The following CNTNAP2 variants were observed in gnomAD, a reference collection of about 807,000 sequenced individuals.
The protein encoded by CNTNAP2 is contactin-associated protein-like 2.
CNTNAP2 carries 98 observed loss-of-function variants against 155.2 expected under a neutral mutation model. The observed-to-expected ratio is 0.63, with a 90% CI of 0.54 to 0.75. The LOEUF (loss-of-function observed/expected upper bound fraction) is 0.75, where lower values mean the gene tolerates loss of function less well. CNTNAP2 is among the 30% of genes least tolerant of loss of function. CNTNAP2 has a pLI of 0.00. For synonymous variants in CNTNAP2, 651 were observed against 631.2 expected (o/e 1.03, Z -0.47); for missense variants, 1,727 against 1,688.1 (o/e 1.02, Z -0.40).
chr7:148,114,397 A>G (rs1052144273), intron 15 of CNTNAP2, among the ~76,000 whole-genome samples: 1 of 152,210 alleles, frequency 6.6e-6, no homozygotes, highest in Non-Finnish European at 1.5e-5. Context: ...GAGAGGGGCA[A>G]TGAGTTACTT....
chr7:147,285,543 C>A (rs535551014), intron 8 of CNTNAP2, among the ~76,000 whole-genome samples: 1 of 151,798 alleles, frequency 6.6e-6, no homozygotes, highest in African/African-American at 2.4e-5. Flanking sequence ...AAGAATTAAC[C>A]TTGTCTAAAT....
At chr7:146,219,657 A>T (rs1165613015) in intron 1 of CNTNAP2, among the ~76,000 whole-genome samples, 1 of 152,236 alleles carries the variant, frequency 6.6e-6, no homozygotes, top group Non-Finnish European at 1.5e-5. Context: ...AGTCTCAGGT[A>T]AATGAGATGG....
At chr7:146,829,479 G>A (rs929175843) in intron 2 of CNTNAP2, among the ~76,000 whole-genome samples, 1 of 152,076 alleles carries the variant, frequency 6.6e-6, no homozygotes, top group African/African-American at 2.4e-5. Flanking sequence ...TTATTATTTG[G>A]TTAAATTCCA....
chr7:147,359,749 A>G (rs1476647304), intron 9 of CNTNAP2, among the ~76,000 whole-genome samples: 3 of 152,028 alleles, frequency 2.0e-5, no homozygotes, highest in East Asian at 1.9e-4. Context: ...TCTTCAAAAT[A>G]TTGCCCAAAT....
intron 1 of CNTNAP2, among the ~76,000 whole-genome samples, chr7:146,437,761 T>C (rs560756517): frequency 1.3e-5 from 2 of 151,652 alleles, no homozygotes; most frequent in Non-Finnish European, 2.9e-5. Context: ...TGTTTCCTTA[T>C]ATTTTCTAGC....
chr7:146,502,237 A>ATATATATATG (rs1563109661), intron 1 of CNTNAP2, among the ~76,000 whole-genome samples: 1 of 67,392 alleles, frequency 1.5e-5, no homozygotes, highest in South Asian at 5.1e-4. Context: ...ATATATATAT[A>ATATATATATG]TATATATATA....
At chr7:146,953,090 G>A (rs955393387) in intron 3 of CNTNAP2, among the ~76,000 whole-genome samples, 58 of 152,030 alleles carry the variant, frequency 3.8e-4, no homozygotes, top group African/African-American at 1.4e-3. Flanking sequence ...AGCTCTCAAG[G>A]CTGGTCTCAG....
chr7:147,695,945 C>T (rs977043398), intron 13 of CNTNAP2, among the ~76,000 whole-genome samples: 1 of 152,214 alleles, frequency 6.6e-6, no homozygotes, highest in Admixed American at 6.5e-5. Context: ...ACTTTCCTGA[C>T]AAATTTTCTT....
intron 10 of CNTNAP2, among the ~76,000 whole-genome samples, chr7:147,397,623 G>T (rs529067415): frequency 3.4e-4 from 51 of 152,018 alleles, no homozygotes; most frequent in African/African-American, 1.2e-3. Flanking sequence ...ATAGAGACAG[G>T]AGTTAAATTG....
chr7:146,911,812 A>G (rs1254443356), intron 3 of CNTNAP2, among the ~76,000 whole-genome samples: 1 of 152,148 alleles, frequency 6.6e-6, no homozygotes, highest in African/African-American at 2.4e-5. Flanking sequence ...ATAATAATAA[A>G]AAAAATAAAT....
At chr7:146,486,332 G>A (rs1797058755) in intron 1 of CNTNAP2, among the ~76,000 whole-genome samples, 1 of 151,876 alleles carries the variant, frequency 6.6e-6, no homozygotes, top group African/African-American at 2.4e-5. Context: ...CCAAAGTGCT[G>A]GGATTACAGG....
At chr7:147,109,232 G>A (rs186071569) in intron 5 of CNTNAP2, among the ~76,000 whole-genome samples, 5 of 152,230 alleles carry the variant, frequency 3.3e-5, no homozygotes, top group African/African-American at 1.2e-4. Context: ...TGGTTATCAG[G>A]GGAGATGCAG....
At chr7:147,858,762 A>G (rs1277991262) in intron 13 of CNTNAP2, among the ~76,000 whole-genome samples, 4 of 152,186 alleles carry the variant, frequency 2.6e-5, no homozygotes, top group Admixed American at 6.5e-5. Flanking sequence ...GTACAAGCCA[A>G]GAGGAATTAA....
intron 9 of CNTNAP2, among the ~76,000 whole-genome samples, chr7:147,348,386 A>C (rs999100434): frequency 6.8e-6 from 1 of 146,282 alleles, no homozygotes; most frequent in Non-Finnish European, 1.5e-5. Context: ...AAAAAAAAAA[A>C]TGAAAAAAAA....
intron 13 of CNTNAP2, among the ~76,000 whole-genome samples, chr7:147,795,182 A>G (rs1378971688): frequency 2.0e-5 from 3 of 151,742 alleles, no homozygotes; most frequent in Non-Finnish European, 4.4e-5. Flanking sequence ...TGTTTGCATG[A>G]CATGTGTTTT....
At chr7:147,139,498 A>C (rs921077426) in intron 8 of CNTNAP2, among the ~76,000 whole-genome samples, 3 of 151,988 alleles carry the variant, frequency 2.0e-5, no homozygotes, top group Non-Finnish European at 4.4e-5. Context: ...CCTTCCCCAC[A>C]CCACTTCCCA....
chr7:147,188,341 G>C (rs1000658285), intron 8 of CNTNAP2, among the ~76,000 whole-genome samples: 1 of 152,112 alleles, frequency 6.6e-6, no homozygotes, highest in Admixed American at 6.6e-5. Flanking sequence ...TGAGAAGTTC[G>C]AAGCCTGTCA....
At chr7:146,850,545 GGATATA>G (rs1194099549) in intron 3 of CNTNAP2, among the ~76,000 whole-genome samples, 2 of 152,040 alleles carry the variant, frequency 1.3e-5, no homozygotes, top group African/African-American at 4.8e-5. Flanking sequence ...TAATATGTGA[GGATATA>G]GATTATTATT....
chr7:146,155,754 C>A (rs1798115940), intron 1 of CNTNAP2, among the ~76,000 whole-genome samples: 1 of 151,544 alleles, frequency 6.6e-6, no homozygotes, highest in Non-Finnish European at 1.5e-5. Flanking sequence ...GGCTGAAGTG[C>A]AATGGCGGGA....
Sources: allele counts gnomAD v4.1 joint callset (sites outside exome capture counted in the v4.1 genomes callset), GRCh38; gene constraint gnomAD v4.1.1; transcripts MANE v1.5; gene names NCBI Gene and HGNC (gene_info 2026-07-23, HGNC 2026-07-21).